The following ARCN1 variants were observed in gnomAD, a reference collection of about 807,000 sequenced individuals.
ARCN1 encodes the protein coatomer subunit delta.
ARCN1 carries 5 observed loss-of-function variants against 60.4 expected under a neutral mutation model. That is an observed-to-expected ratio of 0.08 (90% confidence interval 0.04 to 0.17). The LOEUF (loss-of-function observed/expected upper bound fraction) is 0.17. Ranked by LOEUF, ARCN1 falls within the 10% of genes least tolerant of loss-of-function variation. The probability of loss-of-function intolerance (pLI) is 1.00; values close to 1 mark genes in which losing one functional copy is unlikely to be tolerated. For missense variants in ARCN1, 464 were observed against 626.5 expected, an observed-to-expected ratio of 0.74 and a Z score of 2.77; for synonymous variants, 224 against 220.0, an observed-to-expected ratio of 1.02 and a Z score of -0.16.
chr11:118,596,239 T>C (rs1380089490), intron 8 of ARCN1, among the ~76,000 whole-genome samples: 1 of 152,228 alleles, frequency 6.6e-6, no homozygotes, highest in African/African-American at 2.4e-5. Flanking sequence ...AGTATGGTTA[T>C]TGCTTCAGAA....
chr11:118,588,713 C>G (rs1555075820), intron 5 of ARCN1, among the ~76,000 whole-genome samples: 1 of 152,124 alleles, frequency 6.6e-6, no homozygotes, highest in African/African-American at 2.4e-5. Flanking sequence ...ATAGCAAGAT[C>G]TGTCTCTTAA....
rs781826178 is a variant in ARCN1, at chr11:118,597,692, T to A, written c.1242-15T>A. The A allele has an allele frequency of 6.8e-6, 11 of 1,613,392 alleles. No individual in the cohort carries two copies. Among genetic ancestry groups the A allele is most frequent in the Non-Finnish European group, 9.3e-6 (11 of 1,179,780 alleles). ...CTCTGAACAGCTACCTTGACCAGAA[T>A]GTTTCTCACAACAGGTCTGGTGTCG... On this transcript the variant is annotated splice_polypyrimidine_tract_variant and intron_variant, in intron 8 of 9. Transcript: ENST00000264028.
intron 5 of ARCN1, among the ~76,000 whole-genome samples, chr11:118,589,112 A>G (rs982285695): frequency 1.2e-4 from 18 of 152,234 alleles, no homozygotes; most frequent in African/African-American, 3.1e-4. Context: ...GAATATCCCT[A>G]ATCTTATAAA....
At chr11:118,584,068 T>C in intron 4 of ARCN1, 54 bp downstream of exon 4, 1 of 1,508,488 alleles carries the variant, frequency 6.6e-7, no homozygotes, top group South Asian at 1.2e-5. Context: ...TGTGTCTATC[T>C]TTGAAGTCAT....
In ARCN1 at chr11:118,572,508, T is replaced by A; in HGVS notation, c.-40T>A. ...CCCCAGACCCTACCCCTATCCCCAG[T>A]GGAGCCGGAGTGCGGGCGCGCCCCA... On this transcript the variant is annotated 5_prime_UTR_variant, in exon 1 of 10. Transcript: ENST00000264028. 1 of 1,610,498 alleles carries A rather than the reference T, an allele frequency of 6.2e-7. No homozygotes were observed. The highest frequency in any genetic ancestry group is 8.5e-7 in the Non-Finnish European group (1 of 1,178,574).
chr11:118,595,876 G>C (rs1038177726), intron 8 of ARCN1, among the ~76,000 whole-genome samples: 14 of 152,120 alleles, frequency 9.2e-5, no homozygotes, highest in African/African-American at 3.4e-4. Flanking sequence ...GACCATCTTG[G>C]CTAACACAGT....
At chr11:118,582,595 C>T (rs782239282) in intron 2 of ARCN1, among the ~76,000 whole-genome samples, 5 of 151,098 alleles carry the variant, frequency 3.3e-5, no homozygotes, top group African/African-American at 4.9e-5. Context: ...GGCATGGTGG[C>T]GGGCACCCAT....
chr11:118,593,391 CTTTTT>C (rs57568260), intron 7 of ARCN1, among the ~76,000 whole-genome samples, 194 bp from the exon 8 acceptor site: 1 of 120,996 alleles, frequency 8.3e-6, no homozygotes, highest in African/African-American at 3.2e-5. Flanking sequence ...CCACGCCTGG[CTTTTT>C]TTTTTTTTTT....
At chr11:118,584,129 A>T (rs1555075118) in intron 4 of ARCN1, 115 bp downstream of exon 4, 3 of 1,032,028 alleles carry the variant, frequency 2.9e-6, no homozygotes. Flanking sequence ...ATGAAGTAAG[A>T]TATGATGTTA....
Position 118,576,424 on chromosome 11 carries a change from GTTAAA to G in ARCN1, c.3+3875_3+3879del, listed in dbSNP as rs1484435387. 1.8e-3 allele frequency among the ~76,000 whole-genome samples: 57 copies of G among 32,232 alleles called. 1 individual carries two copies. The highest frequency in any genetic ancestry group is 6.5e-3 in the African/African-American group (54 of 8,328). 21.1% of individuals were successfully genotyped at this position (32,232 alleles called of 152,430 possible). A position where few individuals can be genotyped will look rare whatever the true frequency, so the allele number is the denominator to read the frequency against. On this transcript the variant is annotated intron_variant, in intron 1 of 9. Coordinates refer to ENST00000264028, the MANE Select transcript of ARCN1 (RefSeq NM_001655.5). ...GATCTGGAATGTTTTTTCCAAAAAT[GTTAAA>G]AAAAAAAAAAAAAAAAAAAACCAAA...
intron 1 of ARCN1, among the ~76,000 whole-genome samples, chr11:118,575,664 G>A (rs1162825373): frequency 3.3e-5 from 5 of 152,182 alleles, no homozygotes; most frequent in Admixed American, 6.5e-5. Context: ...GTGTGTGCAT[G>A]TATATGTGTA....
At chr11:118,584,724 A>G (rs890796456) in intron 5 of ARCN1, 80 bp downstream of exon 5, 85 of 1,250,938 alleles carry the variant, frequency 6.8e-5, no homozygotes, top group East Asian at 2.6e-5. Context: ...TCAGTGTGCT[A>G]TAAATTCTTT....
At chr11:118,586,567 A>C (rs1178426452) in intron 5 of ARCN1, among the ~76,000 whole-genome samples, 1 of 152,126 alleles carries the variant, frequency 6.6e-6, no homozygotes, top group Non-Finnish European at 1.5e-5. Context: ...CACACCTGTA[A>C]TCTTAGCACT....
At chr11:118,583,071 A>G in intron 2 of ARCN1, 108 bp from the exon 3 acceptor site, 2 of 1,267,042 alleles carry the variant, frequency 1.6e-6, no homozygotes, top group South Asian at 1.3e-5. Flanking sequence ...GAAGTAGCTA[A>G]TAAAGGGATT....
At position 118,600,796 on chromosome 11, in the gene ARCN1, T is replaced by A; in HGVS notation, c.*82T>A. On this transcript the variant is annotated 3_prime_UTR_variant, in exon 10 of 10. Coordinates refer to ENST00000264028, the MANE Select transcript of ARCN1 (RefSeq NM_001655.5). Reference sequence around the variant, plus strand: ...TGATGGCTGAAGAGTTTTTCCCAGATTTACAAGCCACTGGAGACCCCTTTT... The same window carrying A: ...TGATGGCTGAAGAGTTTTTCCCAGAATTACAAGCCACTGGAGACCCCTTTT... The A allele has an allele frequency of 9.7e-7, 1 of 1,036,078 alleles. No homozygotes were observed. The highest frequency in any genetic ancestry group is 1.4e-6 in the Non-Finnish European group (1 of 695,880). 64.2% of individuals were successfully genotyped at this position (1,036,078 alleles called of 1,614,324 possible).
chr11:118,589,890 A>G (rs147787476), intron 5 of ARCN1, among the ~76,000 whole-genome samples: 2 of 152,346 alleles, frequency 1.3e-5, no homozygotes, highest in East Asian at 3.8e-4. Context: ...CGCCTTTTAA[A>G]TGTTGATAGC....
In ARCN1 at chr11:118,601,858, A is replaced by G; in HGVS notation, c.*1144A>G. The G allele has an allele frequency of 1.6e-6, 1 of 616,220 alleles. No homozygotes were observed. The highest frequency in any genetic ancestry group is 2.9e-6 in the Non-Finnish European group (1 of 343,822). The allele number at this position is 616,220 out of a possible 1,614,324, so 38.2% of individuals were successfully genotyped here. A position where few individuals can be genotyped will look rare whatever the true frequency, so the allele number is the denominator to read the frequency against. ...GTCCAGTTAGGGATTTCACATCCAC[A>G]TGTAATCATGTCTGCTGCTGTTGCT... On this transcript the variant is annotated 3_prime_UTR_variant, in exon 10 of 10. Transcript: ENST00000264028.
chr11:118,574,982 T>C (rs371765141), intron 1 of ARCN1, among the ~76,000 whole-genome samples: 1 of 152,044 alleles, frequency 6.6e-6, no homozygotes, highest in East Asian at 1.9e-4. Context: ...CTTTTTTTCT[T>C]GTTTGTTTGG....
rs1555076501 is a variant in ARCN1, at chr11:118,592,726, T to C, written c.1002T>C (p.Asp334=). Residue 334 remains aspartate (D), a synonymous_variant, in exon 7 of 10, where the codon GAT becomes GAC. Coordinates refer to ENST00000264028, the MANE Select transcript of ARCN1 (RefSeq NM_001655.5). Reference sequence around the variant, plus strand: ...CATTCTAGACCCATCCAAATGTGGATAAAAAACTTTTCACTGCAGAGTCTC... The same window carrying C: ...CATTCTAGACCCATCCAAATGTGGACAAAAAACTTTTCACTGCAGAGTCTC... ...GVQLQTHPNV[D]KKLFTAESLI... The C allele has an allele frequency of 1.9e-6, 3 of 1,613,838 alleles. No homozygotes were observed. In the Admixed American group the frequency reaches 5.0e-5, roughly 27 times the overall value.
Sources: allele counts gnomAD v4.1 joint callset (sites outside exome capture counted in the v4.1 genomes callset), GRCh38; gene constraint gnomAD v4.1.1; transcripts MANE v1.5; gene names NCBI Gene and HGNC (gene_info 2026-07-23, HGNC 2026-07-21).